Variants in DHX9 observed in about 807,000 individuals in gnomAD.
DHX9 encodes the protein DExH-box helicase 9.
Under a neutral mutation model 148.7 loss-of-function variants are expected in DHX9, and 27 were observed. The ratio of observed to expected loss-of-function variants is 0.18; its 90% CI spans 0.13 to 0.25. The LOEUF is 0.25. Ranked by LOEUF, DHX9 falls within the 10% of genes least tolerant of loss-of-function variation. The pLI is 1.00. For synonymous variants in DHX9, 529 were observed against 516.6 expected (o/e 1.02, Z -0.33); for missense variants, 796 against 1,559.6 (o/e 0.51, Z 8.25).
chr1:182,864,091 G>A (rs897888736), intron 12 of DHX9, among the ~76,000 whole-genome samples: 2 of 152,124 alleles, frequency 1.3e-5, no homozygotes, highest in African/African-American at 4.8e-5. Context: ...TTGAACCTGA[G>A]AGGAATTTCT....
At chr1:182,855,691 C>A in intron 6 of DHX9, 10 of 985,374 alleles carry the variant, frequency 1.0e-5, no homozygotes, top group Non-Finnish European at 1.2e-5. Flanking sequence ...GGCCTTTGAC[C>A]CCTGAAGCCG....
chr1:182,856,632 T>TCA, intron 7 of DHX9, 54 bp downstream of exon 7: 2 of 1,543,366 alleles, frequency 1.3e-6, no homozygotes, highest in Non-Finnish European at 8.9e-7. Context: ...GAAGGAATCT[T>TCA]CACATTTTAA....
chr1:182,867,933 G>A (rs1237574031), intron 14 of DHX9, among the ~76,000 whole-genome samples: 1 of 152,154 alleles, frequency 6.6e-6, no homozygotes, highest in Non-Finnish European at 1.5e-5. Context: ...CAGTGCATGG[G>A]CAGCATGCTT....
At chr1:182,844,926 G>A (rs560724593) in intron 3 of DHX9, among the ~76,000 whole-genome samples, 1 of 152,158 alleles carries the variant, frequency 6.6e-6, no homozygotes, top group Non-Finnish European at 1.5e-5. Flanking sequence ...GCCTCCCAAA[G>A]TGCTGGGATT....
intron 11 of DHX9, 148 bp from the exon 12 acceptor site, chr1:182,859,845 T>A: frequency 1.5e-6 from 1 of 645,976 alleles, no homozygotes; most frequent in Admixed American, 3.2e-5. Context: ...ACTCCTCACC[T>A]CATGATCCTC....
At chr1:182,845,851 A>G (rs1668018197) in intron 3 of DHX9, among the ~76,000 whole-genome samples, 1 of 152,238 alleles carries the variant, frequency 6.6e-6, no homozygotes, top group Non-Finnish European at 1.5e-5. Context: ...GTAGGGCAAG[A>G]TATGGCGGAG....
At chr1:182,843,867 A>T (rs1054864525) in intron 3 of DHX9, among the ~76,000 whole-genome samples, 1 of 152,206 alleles carries the variant, frequency 6.6e-6, no homozygotes, top group Non-Finnish European at 1.5e-5. Context: ...ACACAACCAT[A>T]GCTCACTGCA....
Position 182,852,214 on chromosome 1 carries a change from T to A in DHX9, c.253-19T>A. 6.3e-7 allele frequency: 1 copy of A among 1,577,758 alleles called. No homozygotes were observed. The highest frequency in any genetic ancestry group is 8.6e-7 in the Non-Finnish European group (1 of 1,157,354). Reference sequence around the variant, plus strand: ...GAAGGCAAAAGCACTGACAGCTGCCTTGACTTTTTCTTTTGCAGGTAGCAT... The same window carrying A: ...GAAGGCAAAAGCACTGACAGCTGCCATGACTTTTTCTTTTGCAGGTAGCAT... On this transcript the variant is annotated intron_variant, in intron 3 of 27. Coordinates refer to ENST00000367549, the MANE Select transcript of DHX9 (RefSeq NM_001357.5).
intron 1 of DHX9, among the ~76,000 whole-genome samples, chr1:182,841,470 G>C (rs1373760552): frequency 2.0e-5 from 3 of 152,136 alleles, no homozygotes; most frequent in African/African-American, 7.2e-5. Flanking sequence ...AATTATTCAC[G>C]AGGTGGAATT....
At chr1:182,876,736 A>AT in intron 18 of DHX9, 94 bp from the exon 19 acceptor site, 1 of 1,027,386 alleles carries the variant, frequency 9.7e-7, no homozygotes, top group Non-Finnish European at 1.5e-6. Context: ...GACTTCTGTA[A>AT]TTTTCTTGTC....
At chr1:182,860,765 C>G (rs1230643305) in intron 12 of DHX9, among the ~76,000 whole-genome samples, 1 of 152,232 alleles carries the variant, frequency 6.6e-6, no homozygotes, top group Non-Finnish European at 1.5e-5. Flanking sequence ...TTAACTAACA[C>G]TGTATTACCT....
intron 18 of DHX9, 99 bp from the exon 19 acceptor site, chr1:182,876,731 C>T (rs1251252213): frequency 3.0e-6 from 3 of 984,990 alleles, no homozygotes; most frequent in Admixed American, 2.3e-5. Context: ...TTTAGGACTT[C>T]TGTAATTTTC....
chr1:182,849,954 A>AC (rs368087712), intron 3 of DHX9, among the ~76,000 whole-genome samples: 1 of 149,194 alleles, frequency 6.7e-6, no homozygotes, highest in Non-Finnish European at 1.5e-5. Context: ...TATCAAAAAA[A>AC]CTGGTTCATT....
chr1:182,845,355 C>CT (rs1051538238), intron 3 of DHX9, among the ~76,000 whole-genome samples: 10 of 151,244 alleles, frequency 6.6e-5, no homozygotes, highest in African/African-American at 2.2e-4. Flanking sequence ...ATTTTACCTT[C>CT]TTTAAGAATA....
chr1:182,871,039 C>CTA (rs1648532687), intron 14 of DHX9, among the ~76,000 whole-genome samples: 1 of 152,086 alleles, frequency 6.6e-6, no homozygotes, highest in Non-Finnish European at 1.5e-5. Context: ...ATGAAATGCA[C>CTA]TAACCTTGAA....
chr1:182,869,660 G>A (rs979448105), intron 14 of DHX9, among the ~76,000 whole-genome samples: 1 of 152,242 alleles, frequency 6.6e-6, no homozygotes, highest in Admixed American at 6.5e-5. Flanking sequence ...GCCCAGGCTA[G>A]AGTGAAGTTT....
In DHX9 at chr1:182,858,536, A is replaced by G. The variant is rs1036631302; in HGVS notation, c.811-15A>G. 1.4e-5 allele frequency: 23 copies of G among 1,595,746 alleles called. No individual in the cohort carries two copies. The highest frequency in any genetic ancestry group is 1.7e-5 in the Non-Finnish European group (20 of 1,168,612). ...ATTTGAGTAGTGTTGTTAATGTGTG[A>G]TCCTTTTTCCATAGGTGGAGCCTTA... On this transcript the variant is annotated splice_polypyrimidine_tract_variant and intron_variant, in intron 8 of 27. Coordinates refer to ENST00000367549, the MANE Select transcript of DHX9 (RefSeq NM_001357.5).
intron 27 of DHX9, among the ~76,000 whole-genome samples, 155 bp downstream of exon 27, chr1:182,884,968 C>G (rs1297876427): frequency 6.6e-6 from 1 of 152,142 alleles, no homozygotes; most frequent in African/African-American, 2.4e-5. Context: ...GTTCTGAGTT[C>G]TAACATACTC....
intron 1 of DHX9, among the ~76,000 whole-genome samples, chr1:182,841,116 C>A (rs1197368329): frequency 6.6e-6 from 1 of 151,998 alleles, no homozygotes; most frequent in South Asian, 2.1e-4. Context: ...ACGGTGAAAC[C>A]CCGTGTCTAC....
Sources: gnomAD v4.1 joint callset for allele counts (sites outside exome capture counted in the v4.1 genomes callset) on GRCh38, gnomAD v4.1.1 for gene constraint, MANE v1.5 for transcripts, NCBI Gene and HGNC (gene_info 2026-07-23, HGNC 2026-07-21) for gene names.